SCAMP1: variants seen among roughly 807,000 people sequenced by gnomAD.
SCAMP1 encodes the protein secretory carrier-associated membrane protein 1.
A neutral mutation model predicts 41.8 loss-of-function variants in SCAMP1; 15 were observed. The ratio of observed to expected loss-of-function variants is 0.36; its 90% confidence interval spans 0.24 to 0.55. The LOEUF (loss-of-function observed/expected upper bound fraction) is 0.55. SCAMP1 is among the 20% of genes least tolerant of loss of function. SCAMP1 has a pLI of 0.86. For missense variants in SCAMP1, 341 were observed against 412.6 expected (o/e 0.83, Z 1.50); for synonymous variants, 135 against 136.8 (o/e 0.99, Z 0.09).
At chr5:78,425,319 T>A (rs1055470667) in intron 6 of SCAMP1, among the ~76,000 whole-genome samples, 5 of 152,300 alleles carry the variant, frequency 3.3e-5, no homozygotes, top group African/African-American at 1.2e-4. Context: ...GTGAGCCCAC[T>A]GGTCAATTTA....
intron 1 of SCAMP1, among the ~76,000 whole-genome samples, chr5:78,369,149 A>G (rs1266131212): frequency 6.6e-6 from 1 of 151,300 alleles, no homozygotes; most frequent in Non-Finnish European, 1.5e-5. Context: ...CTCTGTCTCC[A>G]AGGCTGGAGT....
intron 6 of SCAMP1, among the ~76,000 whole-genome samples, chr5:78,425,193 A>C (rs901834849): frequency 1.3e-5 from 2 of 152,176 alleles, no homozygotes; most frequent in Admixed American, 6.5e-5. Context: ...TGTAGCTTTG[A>C]AGACAATTTT....
Position 78,475,540 on chromosome 5 carries a change from G to C in SCAMP1, c.889G>C (p.Glu297Gln), listed in dbSNP as rs1166936641. 1 of 1,610,768 alleles carries C rather than the reference G, an allele frequency of 6.2e-7. No individual in the cohort carries two copies. ...GLYRTTGASF[E>Q]KAQQEFATGV... ...ATATCGCACAACAGGTGCTAGTTTT[G>C]AGAAGGCCCAACAGGAGTTTGCAAC... The change falls in exon 9 of 9, where the codon GAG becomes CAG. Residue 297 changes from glutamate (E) to glutamine (Q), a missense_variant. By Grantham distance (29) the Glu-to-Gln change is conservative (BLOSUM62 2). Coordinates refer to ENST00000621999, the MANE Select transcript of SCAMP1 (RefSeq NM_004866.6).
chr5:78,460,780 C>CTTT (rs1753571789), intron 8 of SCAMP1, among the ~76,000 whole-genome samples: 1 of 35,858 alleles, frequency 2.8e-5, no homozygotes, highest in Non-Finnish European at 5.4e-5. Flanking sequence ...TTCCTTCCTT[C>CTTT]CTTCCTTCCT....
chr5:78,474,476 T>G (rs1422765526), intron 8 of SCAMP1, among the ~76,000 whole-genome samples: 1 of 152,198 alleles, frequency 6.6e-6, no homozygotes, highest in Non-Finnish European at 1.5e-5. Flanking sequence ...CAAACCAGCC[T>G]ATCCTCTCTT....
At chr5:78,387,170 C>G (rs1346958021) in intron 1 of SCAMP1, among the ~76,000 whole-genome samples, 2 of 151,552 alleles carry the variant, frequency 1.3e-5, no homozygotes, top group African/African-American at 2.4e-5. Context: ...TTTTCTTTGT[C>G]TTTGTTGGAT....
At chr5:78,424,900 T>C (rs1752429100) in intron 6 of SCAMP1, among the ~76,000 whole-genome samples, 1 of 152,230 alleles carries the variant, frequency 6.6e-6, no homozygotes, top group Non-Finnish European at 1.5e-5. Flanking sequence ...ATTTGCATAA[T>C]GCTTAGTGAT....
intron 8 of SCAMP1, among the ~76,000 whole-genome samples, chr5:78,470,912 A>G (rs1216006356): frequency 6.6e-6 from 1 of 152,142 alleles, no homozygotes; most frequent in Non-Finnish European, 1.5e-5. Flanking sequence ...TAAGCATTTT[A>G]CTTTGTAACA....
intron 2 of SCAMP1, among the ~76,000 whole-genome samples, chr5:78,397,219 G>A (rs1751674594): frequency 6.6e-6 from 1 of 152,184 alleles, no homozygotes; most frequent in Non-Finnish European, 1.5e-5. Context: ...AAGAGTGTCA[G>A]GATAATCCAA....
Position 78,480,321 on chromosome 5 carries a change from A to G in SCAMP1, c.*4653A>G, listed in dbSNP as rs1197600168. ...AAGATTACTGTGAATATTATCTTCT[A>G]TACATTAAAACAGTTCTAGTTTGTA... On this transcript the variant is annotated 3_prime_UTR_variant, in exon 9 of 9. Transcript: ENST00000621999. 3.3e-5 allele frequency among the ~76,000 whole-genome samples: 5 copies of G among 152,228 alleles called. No homozygotes were observed. Among genetic ancestry groups the G allele is most frequent in the African/African-American group, 7.2e-5 (3 of 41,466 alleles).
intron 8 of SCAMP1, among the ~76,000 whole-genome samples, chr5:78,470,322 G>C (rs1296231574): frequency 6.6e-6 from 1 of 152,066 alleles, no homozygotes; most frequent in Non-Finnish European, 1.5e-5. Flanking sequence ...TAATCATTAA[G>C]CAATAATTTT....
rs540173776 is a variant in SCAMP1, at chr5:78,392,333, A to G, written c.135+3419A>G. Reference sequence around the variant, plus strand: ...GATCTGAGACACAGGTCAGCTAGCAAGTAAGTGGCAGAACTGGCTTATTAA... The same window carrying G: ...GATCTGAGACACAGGTCAGCTAGCAGGTAAGTGGCAGAACTGGCTTATTAA... On this transcript the variant is annotated intron_variant, in intron 2 of 8. Transcript: ENST00000621999. 5.3e-5 allele frequency among the ~76,000 whole-genome samples: 8 copies of G among 152,318 alleles called. No individual in the cohort carries two copies. In the South Asian group the frequency reaches 1.7e-3, roughly 32 times the overall value.
chr5:78,413,520 C>A (rs1162451614), intron 2 of SCAMP1, among the ~76,000 whole-genome samples: 5 of 151,222 alleles, frequency 3.3e-5, no homozygotes, highest in Non-Finnish European at 4.4e-5. Flanking sequence ...CAGGCTCAAG[C>A]GATTCTCATG....
chr5:78,397,599 T>A (rs1174770480), intron 2 of SCAMP1, among the ~76,000 whole-genome samples: 1 of 152,166 alleles, frequency 6.6e-6, no homozygotes, highest in African/African-American at 2.4e-5. Flanking sequence ...ATCCAGAATA[T>A]ATATTAAATT....
intron 2 of SCAMP1, among the ~76,000 whole-genome samples, chr5:78,411,146 A>T (rs1027880262): frequency 1.2e-4 from 18 of 152,044 alleles, no homozygotes; most frequent in Non-Finnish European, 1.8e-4. Context: ...GTTTAATTAG[A>T]TCTCATTTGT....
At chr5:78,419,744 C>T (rs184876074) in intron 5 of SCAMP1, among the ~76,000 whole-genome samples, 1 of 152,230 alleles carries the variant, frequency 6.6e-6, no homozygotes, top group Non-Finnish European at 1.5e-5. Context: ...ATGAGACTAC[C>T]ACCCTTCCCT....
chr5:78,379,147 G>A (rs1751137429), intron 1 of SCAMP1, among the ~76,000 whole-genome samples: 1 of 152,194 alleles, frequency 6.6e-6, no homozygotes, highest in African/African-American at 2.4e-5. Context: ...TCTCAGACAT[G>A]CACTAATTGA....
intron 1 of SCAMP1, chr5:78,360,980 C>G (rs1223770207): frequency 2.1e-6 from 1 of 476,128 alleles, no homozygotes; most frequent in Non-Finnish European, 3.8e-6. Context: ...TGGTGAGGGT[C>G]GTGTCTGCAG....
intron 8 of SCAMP1, among the ~76,000 whole-genome samples, chr5:78,465,807 C>G (rs1280986550): frequency 6.6e-6 from 1 of 152,212 alleles, no homozygotes; most frequent in African/African-American, 2.4e-5. Flanking sequence ...CCGGAACTCT[C>G]AGGCAGAAGT....
Sources: allele counts gnomAD v4.1 joint callset (sites outside exome capture counted in the v4.1 genomes callset), GRCh38; gene constraint gnomAD v4.1.1; transcripts MANE v1.5; gene names NCBI Gene and HGNC (gene_info 2026-07-23, HGNC 2026-07-21).